The following IGF1R variants were observed in gnomAD, a reference collection of about 807,000 sequenced individuals.
The protein encoded by IGF1R is insulin-like growth factor 1 receptor.
IGF1R carries 44 observed loss-of-function variants against 144.6 expected under a neutral mutation model. The ratio of observed to expected loss-of-function variants is 0.30; its 90% CI spans 0.24 to 0.39. The LOEUF is 0.39. Ranked by LOEUF, IGF1R falls within the 10% of genes least tolerant of loss-of-function variation. The pLI, the probability that IGF1R is intolerant of heterozygous loss-of-function variation, is 1.00. For missense variants in IGF1R, 1,355 were observed against 1,833.7 expected (o/e 0.74, Z 4.77); for synonymous variants, 795 against 722.8 (o/e 1.10, Z -1.60).
At chr15:98,765,589 G>T (rs1243474247) in intron 2 of IGF1R, among the ~76,000 whole-genome samples, 1 of 151,952 alleles carries the variant, frequency 6.6e-6, no homozygotes, top group East Asian at 1.9e-4. Context: ...CTCCCAAAGT[G>T]CTGGGATTAC....
intron 1 of IGF1R, among the ~76,000 whole-genome samples, chr15:98,665,852 C>T (rs2052723952): frequency 6.6e-6 from 1 of 152,150 alleles, no homozygotes; most frequent in Non-Finnish European, 1.5e-5. Context: ...CCCTGGATCG[C>T]ACAAGGTCTT....
chr15:98,764,922 G>T (rs530727832), intron 2 of IGF1R, among the ~76,000 whole-genome samples: 42 of 152,182 alleles, frequency 2.8e-4, no homozygotes, highest in African/African-American at 9.6e-4. Flanking sequence ...AAATACATTT[G>T]TCATGCCGCA....
At chr15:98,730,507 G>T (rs982249536) in intron 2 of IGF1R, among the ~76,000 whole-genome samples, 2 of 152,098 alleles carry the variant, frequency 1.3e-5, no homozygotes, top group Non-Finnish European at 2.9e-5. Flanking sequence ...TGACTCTGTT[G>T]GCTCTCAGCT....
chr15:98,892,828 C>A (rs1489497503), intron 3 of IGF1R, among the ~76,000 whole-genome samples: 4 of 152,016 alleles, frequency 2.6e-5, no homozygotes, highest in Non-Finnish European at 5.9e-5. Context: ...CCAGCCTGGG[C>A]AACATGCAAA....
In IGF1R at chr15:98,792,525, G is replaced by T. The variant is rs2056150009; in HGVS notation, c.640+84418G>T. On this transcript the variant is annotated intron_variant, in intron 2 of 20. Transcript: ENST00000650285. Reference sequence around the variant, plus strand: ...TTTAAAATCAAAACCATGAATCTGTGGTTATCTTCAAAGGATAAATTATGG... The same window carrying T: ...TTTAAAATCAAAACCATGAATCTGTTGTTATCTTCAAAGGATAAATTATGG... Among the ~76,000 whole-genome samples the T allele has an allele frequency of 4.6e-5, 7 of 152,210 alleles. No individual in the cohort carries two copies. In the South Asian group the frequency reaches 1.5e-3, roughly 32 times the overall value.
chr15:98,766,805 T>C (rs945893584), intron 2 of IGF1R, among the ~76,000 whole-genome samples: 19 of 152,250 alleles, frequency 1.2e-4, no homozygotes, highest in African/African-American at 4.1e-4. Flanking sequence ...CTTGTAACCA[T>C]AATTCTGTGC....
intron 2 of IGF1R, among the ~76,000 whole-genome samples, chr15:98,808,345 A>G (rs960542515): frequency 2.6e-5 from 4 of 152,212 alleles, no homozygotes; most frequent in Non-Finnish European, 5.9e-5. Context: ...CTCTTCAAAA[A>G]TGTTTCCAGC....
At chr15:98,846,687 C>G (rs984853755) in intron 2 of IGF1R, among the ~76,000 whole-genome samples, 7 of 152,292 alleles carry the variant, frequency 4.6e-5, no homozygotes, top group African/African-American at 9.6e-5. Flanking sequence ...CTCAGGGACC[C>G]AGTTCATCGA....
chr15:98,886,077 C>G lies in IGF1R; in HGVS notation c.641-5248C>G, dbSNP rs538169904. Among the ~76,000 whole-genome samples the G allele has an allele frequency of 2.0e-5, 3 of 152,224 alleles. No individual in the cohort carries two copies. The South Asian group carries it at 6.2e-4, about 32-fold the overall frequency. On this transcript the variant is annotated intron_variant, in intron 2 of 20. Transcript: ENST00000650285. The stretch of plus-strand genomic sequence containing the variant: ...AGTTGATCTGCCCGCCTCGGCCTCC[C>G]AAAGTGCTGGGATCACAGGCGTGAG...
intron 2 of IGF1R, among the ~76,000 whole-genome samples, chr15:98,884,106 C>G (rs2013518948): frequency 6.6e-6 from 1 of 152,096 alleles, no homozygotes; most frequent in Admixed American, 6.6e-5. Context: ...TGGGGGTATT[C>G]TAAAGGAGTG....
Position 98,707,728 on chromosome 15 carries a change from G to T in IGF1R, c.261G>T (p.Leu87=). ...KLTVITEYLL[L]FRVAGLESLG... ...CGGTCATTACCGAGTACTTGCTGCT[G>T]TTCCGAGTGGCTGGCCTCGAGAGCC... is the stretch of plus-strand genomic sequence containing the variant. Residue 87 remains leucine, a synonymous_variant, in exon 2 of 21, where the codon CTG becomes CTT. Coordinates refer to ENST00000650285, the MANE Select transcript of IGF1R (RefSeq NM_000875.5). This position sits in a 1 kb window ranked among gnomAD's most constrained non-coding sequence, Gnocchi z 6.7. 1 of 1,614,166 alleles carries T rather than the reference G, an allele frequency of 6.2e-7. No homozygotes were observed.
intron 2 of IGF1R, among the ~76,000 whole-genome samples, chr15:98,875,981 A>G (rs1289727346): frequency 6.6e-6 from 1 of 152,182 alleles, no homozygotes; most frequent in Non-Finnish European, 1.5e-5. Flanking sequence ...AATTGGCTTC[A>G]TGTTCCAGCT....
At chr15:98,698,738 C>G (rs1337223852) in intron 1 of IGF1R, among the ~76,000 whole-genome samples, 4 of 152,186 alleles carry the variant, frequency 2.6e-5, no homozygotes, top group African/African-American at 9.7e-5. Context: ...AGTCCTTTTC[C>G]TTGCTAGGAA....
chr15:98,926,416 A>ATG (rs3073981), intron 13 of IGF1R, among the ~76,000 whole-genome samples: 63,024 of 151,792 alleles, frequency 0.42, 13,857 homozygotes, highest in East Asian at 0.7. Context: ...AGTAATAATG[A>ATG]TGTATTCTTA....
intron 2 of IGF1R, among the ~76,000 whole-genome samples, chr15:98,757,828 A>T (rs1434248304): frequency 6.6e-6 from 1 of 152,036 alleles, no homozygotes; most frequent in African/African-American, 2.4e-5. Context: ...TATTGCTTTC[A>T]TCTTATTCAA....
At chr15:98,829,026 A>G (rs942357595) in intron 2 of IGF1R, among the ~76,000 whole-genome samples, 64 of 152,274 alleles carry the variant, frequency 4.2e-4, no homozygotes, top group African/African-American at 1.5e-3. Flanking sequence ...ATTCATTAAA[A>G]AAGTCCCCAA....
intron 2 of IGF1R, among the ~76,000 whole-genome samples, chr15:98,858,602 G>A (rs904848449): frequency 2.0e-5 from 3 of 152,162 alleles, no homozygotes; most frequent in African/African-American, 7.2e-5. Flanking sequence ...ATTTAATCGA[G>A]ATATAAAGGC....
intron 5 of IGF1R, among the ~76,000 whole-genome samples, chr15:98,903,591 G>A (rs2014585768): frequency 6.6e-6 from 1 of 152,218 alleles, no homozygotes; most frequent in South Asian, 2.1e-4. Context: ...GCTGGTAGCA[G>A]TATTACTCAT....
rs1469621437 is a variant in IGF1R, at chr15:98,722,311, A to G, written c.640+14204A>G. Among the ~76,000 whole-genome samples the G allele has an allele frequency of 2.0e-5, 3 of 152,264 alleles. No individual in the cohort carries two copies. The East Asian group carries it at 5.8e-4, about 29-fold the overall frequency. The stretch of plus-strand genomic sequence containing the variant: ...AGAGGAGGGTAAGTTCCACATTTGG[A>G]ACTTTGGATTAAAAGAATATTTGGG... On this transcript the variant is annotated intron_variant, in intron 2 of 20. Transcript: ENST00000650285.
Sources: gnomAD v4.1 joint callset for allele counts (sites outside exome capture counted in the v4.1 genomes callset) on GRCh38, gnomAD v4.1.1 for gene constraint, Gnocchi (gnomAD v3.1) non-coding constraint, MANE v1.5 for transcripts, NCBI Gene and HGNC (gene_info 2026-07-23, HGNC 2026-07-21) for gene names.